Variants in LAMA2 observed in about 807,000 individuals in gnomAD.
LAMA2 encodes the protein laminin subunit alpha-2.
A neutral mutation model predicts 364.8 loss-of-function variants in LAMA2; 269 were observed. The ratio of observed to expected loss-of-function variants is 0.74; its 90% CI spans 0.67 to 0.82. The LOEUF is 0.82. LAMA2 is among the 40% of genes least tolerant of loss of function. The pLI is 0.00. For missense variants in LAMA2, 3,807 were observed against 3,873.2 expected (o/e 0.98, Z 0.45); for synonymous variants, 1,379 against 1,370.6 (o/e 1.01, Z -0.14).
chr6:129,059,768 G>A lies in LAMA2; in HGVS notation c.284-16G>A, dbSNP rs746096312. 11 of 1,429,828 alleles carry A rather than the reference G, an allele frequency of 7.7e-6. No homozygotes were observed. The South Asian group carries it at 1.1e-4, about 15-fold the overall frequency. 88.6% of individuals were successfully genotyped at this position (1,429,828 alleles called of 1,614,324 possible). Reference sequence around the variant, plus strand: ...TCTTTTCTTCTTCCTTTCATATGATGCTGCTAACTCAATAGAGAGACACCC... The same window carrying A: ...TCTTTTCTTCTTCCTTTCATATGATACTGCTAACTCAATAGAGAGACACCC... On this transcript the variant is annotated splice_polypyrimidine_tract_variant and intron_variant, in intron 2 of 64. Transcript: ENST00000421865.
chr6:129,269,516 TA>T (rs1787772992), intron 16 of LAMA2, among the ~76,000 whole-genome samples: 1 of 152,048 alleles, frequency 6.6e-6, no homozygotes, highest in South Asian at 2.1e-4. Context: ...TTTAAATCAA[TA>T]ATTGGAAATA....
chr6:129,024,313 G>T (rs540609757), intron 1 of LAMA2, among the ~76,000 whole-genome samples: 14 of 150,750 alleles, frequency 9.3e-5, no homozygotes, highest in Admixed American at 2.6e-4. Flanking sequence ...ATTCCTAGAG[G>T]AAACAGAGTT....
intron 18 of LAMA2, among the ~76,000 whole-genome samples, chr6:129,282,713 A>T (rs987838755): frequency 6.6e-6 from 1 of 152,226 alleles, no homozygotes; most frequent in African/African-American, 2.4e-5. Context: ...TTCCATTCTT[A>T]GAGGCACAGG....
intron 40 of LAMA2, among the ~76,000 whole-genome samples, chr6:129,424,119 A>G (rs1340432904): frequency 6.6e-6 from 1 of 152,056 alleles, no homozygotes; most frequent in Non-Finnish European, 1.5e-5. Flanking sequence ...CAAAAGCAAT[A>G]CAAGGTATAT....
At chr6:129,046,446 C>G (rs1021847470) in intron 1 of LAMA2, among the ~76,000 whole-genome samples, 11 of 152,170 alleles carry the variant, frequency 7.2e-5, no homozygotes, top group African/African-American at 2.4e-4. Context: ...TGCAGGGGAA[C>G]TGCACTTTAT....
chr6:129,248,527 T>G (rs1406342595), intron 12 of LAMA2, among the ~76,000 whole-genome samples: 1 of 152,250 alleles, frequency 6.6e-6, no homozygotes, highest in African/African-American at 2.4e-5. Context: ...TTGATATTTT[T>G]CTTTCCTTTT....
intron 62 of LAMA2, 89 bp from the exon 63 acceptor site, chr6:129,512,273 GA>G: frequency 7.8e-7 from 1 of 1,276,976 alleles, no homozygotes; most frequent in South Asian, 1.3e-5. Context: ...CATTTGAATT[GA>G]AATATAATAA....
chr6:129,487,112 C>T (rs1196522605), intron 56 of LAMA2, among the ~76,000 whole-genome samples: 1 of 152,198 alleles, frequency 6.6e-6, no homozygotes, highest in Non-Finnish European at 1.5e-5. Context: ...TATCTTGTCC[C>T]TGTCCCCCTT....
chr6:129,018,701 C>T (rs1785232737), intron 1 of LAMA2, among the ~76,000 whole-genome samples: 1 of 151,996 alleles, frequency 6.6e-6, no homozygotes, highest in African/African-American at 2.4e-5. Context: ...CATCAATTGA[C>T]ATTCCTTTTT....
At chr6:129,126,790 C>A (rs1777141982) in intron 4 of LAMA2, among the ~76,000 whole-genome samples, 1 of 152,096 alleles carries the variant, frequency 6.6e-6, no homozygotes, top group Non-Finnish European at 1.5e-5. Flanking sequence ...TATTTAAGAT[C>A]CGATAGGGAC....
intron 9 of LAMA2, among the ~76,000 whole-genome samples, chr6:129,166,077 G>C (rs761204121): frequency 1.3e-4 from 20 of 152,084 alleles, no homozygotes; most frequent in Non-Finnish European, 2.2e-4. Context: ...TGCTGTAGTG[G>C]GAAAAGCAAA....
At chr6:129,497,094 G>A (rs1258431847) in intron 58 of LAMA2, among the ~76,000 whole-genome samples, 1 of 152,158 alleles carries the variant, frequency 6.6e-6, no homozygotes, top group African/African-American at 2.4e-5. Context: ...TGGAAAAAAA[G>A]GGATGTGGTG....
intron 1 of LAMA2, among the ~76,000 whole-genome samples, chr6:128,961,002 T>TGAC (rs1781454280): frequency 6.6e-6 from 1 of 152,016 alleles, no homozygotes; most frequent in Non-Finnish European, 1.5e-5. Context: ...TAAATCTCTG[T>TGAC]ATGTCACGAA....
chr6:129,191,014 A>G (rs1781492620), intron 11 of LAMA2, among the ~76,000 whole-genome samples: 1 of 152,184 alleles, frequency 6.6e-6, no homozygotes, highest in Non-Finnish European at 1.5e-5. Flanking sequence ...GGAAAATGGG[A>G]CCTTCTGGGA....
chr6:129,361,524 A>G (rs745909747), intron 32 of LAMA2, among the ~76,000 whole-genome samples: 9 of 152,202 alleles, frequency 5.9e-5, no homozygotes, highest in Admixed American at 6.5e-5. Context: ...GGGCTCCCAG[A>G]TGGCCTCAAG....
chr6:129,346,132 G>C (rs766592036), intron 30 of LAMA2, among the ~76,000 whole-genome samples: 3 of 152,084 alleles, frequency 2.0e-5, no homozygotes, highest in Non-Finnish European at 4.4e-5. Flanking sequence ...TGACGGAGTG[G>C]CAGTGCTCAC....
chr6:129,011,587 G>A (rs1470237787), intron 1 of LAMA2, among the ~76,000 whole-genome samples: 27 of 152,056 alleles, frequency 1.8e-4, no homozygotes, highest in Admixed American at 1.7e-3. Context: ...CCATCTCTGG[G>A]TATTTTCAAG....
intron 1 of LAMA2, among the ~76,000 whole-genome samples, chr6:128,963,723 T>C (rs1781676881): frequency 6.6e-6 from 1 of 152,100 alleles, no homozygotes; most frequent in South Asian, 2.1e-4. Flanking sequence ...GCTTTTCCTA[T>C]GGCCAAAACG....
rs150753170 is a variant in LAMA2 at position 129,267,202 on chromosome 6, G to A, written c.2305G>A (p.Val769Ile). The change falls in exon 16 of 65, where the codon GTC becomes ATC. Residue 769 changes from valine (V) to isoleucine (I), a missense_variant. Physicochemically the swap from Val to Ile is conservative, Grantham distance 29. Around this residue, in one of 3 missense-constraint regions of LAMA2, gnomAD observed 3,333 missense variants for 3,345.7 expected, o/e 1.00. Transcript: ENST00000421865. ...TGGTCATGCGGAGTCCTGTGATGACGTCACTGGAGAATGCCTGGTAAGTGC... is the reference window on the plus strand; with the variant it reads ...TGGTCATGCGGAGTCCTGTGATGACATCACTGGAGAATGCCTGGTAAGTGC... Reference protein sequence around the residue: ...CFGHAESCDDVTGECLNCKDH... With the variant: ...CFGHAESCDDITGECLNCKDH... 15 of 1,607,902 alleles carry A rather than the reference G, an allele frequency of 9.3e-6. No individual in the cohort carries two copies. Among genetic ancestry groups the A allele is most frequent in the Admixed American group, 3.3e-5 (2 of 59,894 alleles).
Sources: allele counts gnomAD v4.1 joint callset (sites outside exome capture counted in the v4.1 genomes callset), GRCh38; gene constraint gnomAD v4.1.1; regional missense constraint gnomAD v4.1.1; transcripts MANE v1.5; gene names NCBI Gene and HGNC (gene_info 2026-07-23, HGNC 2026-07-21).